The following SPAAR variants were observed in gnomAD, a reference collection of about 807,000 sequenced individuals.
The protein encoded by SPAAR is long intergenic non-protein coding RNA 961.
For synonymous variants in SPAAR, 27 were observed against 15.9 expected (o/e 1.70, Z -1.66); for missense variants, 59 against 39.9 (o/e 1.48, Z -1.29).
intron 1 of SPAAR, 76 bp from the exon 2 acceptor site, chr9:35,910,081 C>A (rs1203310036): frequency 8.2e-6 from 2 of 242,758 alleles, no homozygotes; most frequent in East Asian, 2.1e-4. Flanking sequence ...GTAGGCGTCA[C>A]CGGAGGGCCA....
rs959570064 is a variant in SPAAR, at chr9:35,909,862, T to C, written c.-307-295T>C. 3.8e-4 allele frequency among the ~76,000 whole-genome samples: 58 copies of C among 152,050 alleles called. 1 individual carries two copies. Among genetic ancestry groups the C allele is most frequent in the African/African-American group, 1.3e-3 (54 of 41,394 alleles). ...CCTGGCACCTGGGGTGACCCGTGAG[T>C]GTCCCCTGCCTTGCCCAGAGCTGGC... On this transcript the variant is annotated intron_variant, in intron 1 of 1. Coordinates refer to ENST00000443779, the MANE Select transcript of SPAAR (RefSeq NM_001348107.3).
At position 35,910,835 on chromosome 9, in the gene SPAAR, C is replaced by T. The variant is rs1833158595; in HGVS notation, c.*144C>T. On this transcript the variant is annotated 3_prime_UTR_variant, in exon 2 of 2. Coordinates refer to ENST00000443779, the MANE Select transcript of SPAAR (RefSeq NM_001348107.3). Reference sequence around the variant, plus strand: ...TGTGAACTTCCCGTCTCCTCCCATTCCAGCCTTCTGTGCCCTCCAGCCTCA... The same window carrying T: ...TGTGAACTTCCCGTCTCCTCCCATTTCAGCCTTCTGTGCCCTCCAGCCTCA... 1 of 604,302 alleles carries T rather than the reference C, an allele frequency of 1.7e-6. No individual in the cohort carries two copies. The highest frequency in any genetic ancestry group is 2.0e-5 in the South Asian group (1 of 50,376). The allele number at this position is 604,302 out of a possible 1,614,324, so 37.4% of individuals were successfully genotyped here.
rs936695208 is a variant in SPAAR, at chr9:35,910,443, C to T, written c.-21C>T. 4 of 703,002 alleles carry T rather than the reference C, an allele frequency of 5.7e-6. No individual in the cohort carries two copies. In the Admixed American group the frequency reaches 8.0e-5, roughly 14 times the overall value. The allele number at this position is 703,002 out of a possible 1,614,324, so 43.5% of individuals were successfully genotyped here. ...GATGGGAGCGAAGGCTCCGAGAGGA[C>T]CTAAGGTTGCTCAGTGGGCCATGGA... On this transcript the variant is annotated 5_prime_UTR_variant, in exon 2 of 2. Coordinates refer to ENST00000443779, the MANE Select transcript of SPAAR (RefSeq NM_001348107.3).
In SPAAR at chr9:35,910,629, A is replaced by AC; in HGVS notation, c.167dup (p.Pro58AlafsTer58). The AC allele has an allele frequency of 1.4e-6, 1 of 702,864 alleles. No individual in the cohort carries two copies. Among genetic ancestry groups the AC allele is most frequent in the Non-Finnish European group, 2.6e-6 (1 of 384,946 alleles). 43.5% of individuals were successfully genotyped at this position (702,864 alleles called of 1,614,324 possible). On this transcript the variant is annotated frameshift_variant, in exon 2 of 2. Transcript: ENST00000443779. LOFTEE classifies it low-confidence loss of function (END_TRUNC). ...GTTTCGCCAGGAAGCTTCTCTCTTC[A>AC]CGGGGCCTGTTCGCCATGCCCAGCC... is the stretch of plus-strand genomic sequence containing the variant.
Position 35,910,526 on chromosome 9 carries a change from C to A in SPAAR, c.63C>A (p.Cys21Ter). The A allele has an allele frequency of 1.4e-6, 1 of 702,864 alleles. No individual in the cohort carries two copies. The highest frequency in any genetic ancestry group is 2.6e-6 in the Non-Finnish European group (1 of 384,954). The allele number at this position is 702,864 out of a possible 1,614,324, so 43.5% of individuals were successfully genotyped here. A position where few individuals can be genotyped will look rare whatever the true frequency, so the allele number is the denominator to read the frequency against. Residue 21 changes from cysteine (C) to a stop codon, truncating the protein, a stop_gained, in exon 2 of 2, where the codon TGC becomes TGA. Coordinates refer to ENST00000443779, the MANE Select transcript of SPAAR (RefSeq NM_001348107.3). LOFTEE classifies it low-confidence loss of function (END_TRUNC). ...VLFVVTVAITCVLCCFSCDSR... is the reference protein window; with the variant it reads ...VLFVVTVAIT ...TCGTGGTGACTGTGGCCATCACCTG[C>A]GTCCTCTGCTGCTTCAGCTGTGACT... is the stretch of plus-strand genomic sequence containing the variant.
Position 35,910,949 on chromosome 9 carries a change from C to CATTTGTTAATGATA in SPAAR, c.*258_*259insATTTGTTAATGATA. On this transcript the variant is annotated 3_prime_UTR_variant, in exon 2 of 2. Coordinates refer to ENST00000443779, the MANE Select transcript of SPAAR (RefSeq NM_001348107.3). Reference sequence around the variant, plus strand: ...CTGAGGAGTGAGTGAACAGACAGCGCCGGAGTGCACGGTGGGCCGGCTCTG... The same window carrying CATTTGTTAATGATA: ...CTGAGGAGTGAGTGAACAGACAGCGCATTTGTTAATGATACGGAGTGCACGGTGGGCCGGCTCTG... 1 of 456,364 alleles carries CATTTGTTAATGATA rather than the reference C, an allele frequency of 2.2e-6. No homozygotes were observed. Among genetic ancestry groups the CATTTGTTAATGATA allele is most frequent in the South Asian group, 3.6e-5 (1 of 27,674 alleles). The allele number at this position is 456,364 out of a possible 1,614,324, so 28.3% of individuals were successfully genotyped here.
rs1405091999 is a variant in SPAAR at position 35,910,449 on chromosome 9, G to T, written c.-15G>T. ...AGCGAAGGCTCCGAGAGGACCTAAG[G>T]TTGCTCAGTGGGCCATGGAAACGGC... On this transcript the variant is annotated 5_prime_UTR_variant, in exon 2 of 2. Coordinates refer to ENST00000443779, the MANE Select transcript of SPAAR (RefSeq NM_001348107.3). The T allele has an allele frequency of 2.8e-6, 2 of 702,946 alleles. No homozygotes were observed. The highest frequency in any genetic ancestry group is 1.7e-5 in the African/African-American group (1 of 57,262). The allele number at this position is 702,946 out of a possible 1,614,324, so 43.5% of individuals were successfully genotyped here. A position where few individuals can be genotyped will look rare whatever the true frequency, so the allele number is the denominator to read the frequency against.
chr9:35,910,393 C>G lies in SPAAR; in HGVS notation c.-71C>G, dbSNP rs775902410. 21 of 697,818 alleles carry G rather than the reference C, an allele frequency of 3.0e-5. No homozygotes were observed. Among genetic ancestry groups the G allele is most frequent in the South Asian group, 2.7e-4 (18 of 66,846 alleles). 43.2% of individuals were successfully genotyped at this position (697,818 alleles called of 1,614,324 possible). ...CCGCCGGAGGAGCACGGGGCACCTG[C>G]GATCGCGAAGAGCCTCCTGTTCTGG... On this transcript the variant is annotated 5_prime_UTR_variant, in exon 2 of 2. Transcript: ENST00000443779.
Position 35,910,219 on chromosome 9 carries a change from C to A in SPAAR, c.-245C>A. ...CTAGAAGCTGACATGGAGCTGACCACAGCTCTTGGAGGCATGGCCTGAGGC... is the reference window on the plus strand; with the variant it reads ...CTAGAAGCTGACATGGAGCTGACCAAAGCTCTTGGAGGCATGGCCTGAGGC... On this transcript the variant is annotated 5_prime_UTR_variant, in exon 2 of 2. Coordinates refer to ENST00000443779, the MANE Select transcript of SPAAR (RefSeq NM_001348107.3). 1 of 569,458 alleles carries A rather than the reference C, an allele frequency of 1.8e-6. No homozygotes were observed. The highest frequency in any genetic ancestry group is 2.1e-5 in the South Asian group (1 of 48,618). 35.3% of individuals were successfully genotyped at this position (569,458 alleles called of 1,614,324 possible). A position where few individuals can be genotyped will look rare whatever the true frequency, so the allele number is the denominator to read the frequency against.
Position 35,911,030 on chromosome 9 carries a change from A to G in SPAAR, c.*339A>G. 1 of 256,922 alleles carries G rather than the reference A, an allele frequency of 3.9e-6. No individual in the cohort carries two copies. The highest frequency in any genetic ancestry group is 7.5e-6 in the Non-Finnish European group (1 of 134,140). 15.9% of individuals were successfully genotyped at this position (256,922 alleles called of 1,614,324 possible). ...GGAATTTATTGTAAACGGTGTGCCT[A>G]TGATGCTGGTTCTGTTGCCACCTGG... On this transcript the variant is annotated 3_prime_UTR_variant, in exon 2 of 2. Transcript: ENST00000443779.
In SPAAR at chr9:35,911,092, G is replaced by T. The variant is rs538671925; in HGVS notation, c.*401G>T. 1 of 179,460 alleles carries T rather than the reference G, an allele frequency of 5.6e-6. No individual in the cohort carries two copies. The highest frequency in any genetic ancestry group is 1.2e-5 in the Non-Finnish European group (1 of 85,154). 11.1% of individuals were successfully genotyped at this position (179,460 alleles called of 1,614,324 possible). A position where few individuals can be genotyped will look rare whatever the true frequency, so the allele number is the denominator to read the frequency against. On this transcript the variant is annotated 3_prime_UTR_variant, in exon 2 of 2. Coordinates refer to ENST00000443779, the MANE Select transcript of SPAAR (RefSeq NM_001348107.3). ...CCTCAAGTGGACATTTCTAGAAACC[G>T]CTTCTTACTTGCTCCTAATTGATTA...
rs149293359 is a variant in SPAAR at position 35,910,951 on chromosome 9, G to A, written c.*260G>A. 976 of 388,122 alleles carry A rather than the reference G, an allele frequency of 2.5e-3. 6 individuals carry two copies. The highest frequency in any genetic ancestry group is 0.021 in the African/African-American group (895 of 42,724). The allele number at this position is 388,122 out of a possible 1,614,324, so 24.0% of individuals were successfully genotyped here. A position where few individuals can be genotyped will look rare whatever the true frequency, so the allele number is the denominator to read the frequency against. The stretch of plus-strand genomic sequence containing the variant: ...GAGGAGTGAGTGAACAGACAGCGCC[G>A]GAGTGCACGGTGGGCCGGCTCTGCT... On this transcript the variant is annotated 3_prime_UTR_variant, in exon 2 of 2. Transcript: ENST00000443779.
In SPAAR at chr9:35,910,163, T is replaced by C. The variant is rs1455798617; in HGVS notation, c.-301T>C. On this transcript the variant is annotated 5_prime_UTR_variant, in exon 2 of 2. Transcript: ENST00000443779. ...CCACCTTCTCTGTGTCCAGGGAATC[T>C]GTGCTCACGTCTTCCAGGACAGTGC... 2.8e-5 allele frequency: 13 copies of C among 458,062 alleles called. No homozygotes were observed. Among genetic ancestry groups the C allele is most frequent in the Admixed American group, 1.5e-4 (4 of 27,050 alleles). The allele number at this position is 458,062 out of a possible 1,614,324, so 28.4% of individuals were successfully genotyped here. A position where few individuals can be genotyped will look rare whatever the true frequency, so the allele number is the denominator to read the frequency against.
chr9:35,910,871 T>C lies in SPAAR; in HGVS notation c.*180T>C, dbSNP rs1833158857. On this transcript the variant is annotated 3_prime_UTR_variant, in exon 2 of 2. Transcript: ENST00000443779. ...TGCCCTCCAGCCTCAGGGATCCTTGTTATTGGGACAGCCCAGCTGGGGTTG... is the reference window on the plus strand; with the variant it reads ...TGCCCTCCAGCCTCAGGGATCCTTGCTATTGGGACAGCCCAGCTGGGGTTG... The C allele has an allele frequency of 2.5e-5, 15 of 592,272 alleles. No homozygotes were observed. Among genetic ancestry groups the C allele is most frequent in the Non-Finnish European group, 4.2e-5 (14 of 332,902 alleles). 36.7% of individuals were successfully genotyped at this position (592,272 alleles called of 1,614,324 possible). A position where few individuals can be genotyped will look rare whatever the true frequency, so the allele number is the denominator to read the frequency against.
At position 35,910,809 on chromosome 9, in the gene SPAAR, C is replaced by T; in HGVS notation, c.*118C>T. Reference sequence around the variant, plus strand: ...CTCCCTGTCCTTCCCCTCCAGTAACCTGTGAACTTCCCGTCTCCTCCCATT... The same window carrying T: ...CTCCCTGTCCTTCCCCTCCAGTAACTTGTGAACTTCCCGTCTCCTCCCATT... On this transcript the variant is annotated 3_prime_UTR_variant, in exon 2 of 2. Coordinates refer to ENST00000443779, the MANE Select transcript of SPAAR (RefSeq NM_001348107.3). The T allele has an allele frequency of 1.6e-6, 1 of 606,618 alleles. No individual in the cohort carries two copies. The highest frequency in any genetic ancestry group is 1.8e-5 in the African/African-American group (1 of 54,084). 37.6% of individuals were successfully genotyped at this position (606,618 alleles called of 1,614,324 possible).
At position 35,910,160 on chromosome 9, in the gene SPAAR, A is replaced by G; in HGVS notation, c.-304A>G. On this transcript the variant is annotated 5_prime_UTR_variant, in exon 2 of 2. Transcript: ENST00000443779. ...TCTCCACCTTCTCTGTGTCCAGGGA[A>G]TCTGTGCTCACGTCTTCCAGGACAG... The G allele has an allele frequency of 2.3e-6, 1 of 435,654 alleles. No individual in the cohort carries two copies. Among genetic ancestry groups the G allele is most frequent in the Non-Finnish European group, 4.2e-6 (1 of 238,520 alleles). 27.0% of individuals were successfully genotyped at this position (435,654 alleles called of 1,614,324 possible).
rs773879962 is a variant in SPAAR at position 35,910,479 on chromosome 9, A to G, written c.16A>G (p.Ile6Val). METAV[I>V]GVVVVLFVVT... ...TCAGTGGGCCATGGAAACGGCAGTGATTGGGGTGGTGGTGGTGCTGTTCGT... is the reference window on the plus strand; with the variant it reads ...TCAGTGGGCCATGGAAACGGCAGTGGTTGGGGTGGTGGTGGTGCTGTTCGT... Residue 6 changes from isoleucine to valine, a missense_variant, in exon 2 of 2, where the codon ATT becomes GTT. Coordinates refer to ENST00000443779, the MANE Select transcript of SPAAR (RefSeq NM_001348107.3). 22 of 702,958 alleles carry G rather than the reference A, an allele frequency of 3.1e-5. 1 individual carries two copies. The South Asian group carries it at 3.3e-4, about 10-fold the overall frequency. The allele number at this position is 702,958 out of a possible 1,614,324, so 43.5% of individuals were successfully genotyped here.
At position 35,909,495 on chromosome 9, in the gene SPAAR, G is replaced by C. The variant is rs1274713781; in HGVS notation, c.-377G>C. 6.6e-6 allele frequency: 1 copy of C among 152,436 alleles called. No homozygotes were observed. Among genetic ancestry groups the C allele is most frequent in the African/African-American group, 2.4e-5 (1 of 41,434 alleles). The allele number at this position is 152,436 out of a possible 1,614,324, so 9.4% of individuals were successfully genotyped here. A position where few individuals can be genotyped will look rare whatever the true frequency, so the allele number is the denominator to read the frequency against. On this transcript the variant is annotated 5_prime_UTR_variant, in exon 1 of 2. Coordinates refer to ENST00000443779, the MANE Select transcript of SPAAR (RefSeq NM_001348107.3). ...GGAGCCAAGTTCCAACCAGGACAGA[G>C]GCTGCAGCACCCAGGGAGGAACGCC...
In SPAAR at chr9:35,910,815, ACTTCCCGTCTCCTCCCATTCCAGC is replaced by A; in HGVS notation, c.*129_*152del. On this transcript the variant is annotated 3_prime_UTR_variant, in exon 2 of 2. Coordinates refer to ENST00000443779, the MANE Select transcript of SPAAR (RefSeq NM_001348107.3). Reference sequence around the variant, plus strand: ...GTCCTTCCCCTCCAGTAACCTGTGAACTTCCCGTCTCCTCCCATTCCAGCCTTCTGTGCCCTCCAGCCTCAGGGA... The same window carrying A: ...GTCCTTCCCCTCCAGTAACCTGTGAACTTCTGTGCCCTCCAGCCTCAGGGA... 2 of 604,516 alleles carry A rather than the reference ACTTCCCGTCTCCTCCCATTCCAGC, an allele frequency of 3.3e-6. No individual in the cohort carries two copies. The highest frequency in any genetic ancestry group is 5.9e-6 in the Non-Finnish European group (2 of 339,400). The allele number at this position is 604,516 out of a possible 1,614,324, so 37.4% of individuals were successfully genotyped here. A position where few individuals can be genotyped will look rare whatever the true frequency, so the allele number is the denominator to read the frequency against.
Sources: gnomAD v4.1 joint callset for allele counts (sites outside exome capture counted in the v4.1 genomes callset) on GRCh38, gnomAD v4.1.1 for gene constraint, MANE v1.5 for transcripts, NCBI Gene and HGNC (gene_info 2026-07-23, HGNC 2026-07-21) for gene names.